The following ABLIM1 variants were observed in gnomAD, a reference collection of about 807,000 sequenced individuals.
The protein encoded by ABLIM1 is actin binding LIM protein 1.
A neutral mutation model predicts 107.0 loss-of-function variants in ABLIM1; 40 were observed. That is an observed-to-expected ratio of 0.37 (90% CI 0.29 to 0.49). The LOEUF is 0.49. Among genes scored for constraint, ABLIM1 ranks in the 20% least tolerant of loss-of-function variants. The pLI is 0.97. For missense variants in ABLIM1, 857 were observed against 1,008.5 expected (o/e 0.85, Z 2.04); for synonymous variants, 357 against 357.3 (o/e 1.00, Z 0.01).
intron 12 of ABLIM1, among the ~76,000 whole-genome samples, chr10:114,461,788 C>T (rs1031148236): frequency 1.3e-5 from 2 of 151,924 alleles, no homozygotes; most frequent in African/African-American, 4.8e-5. Context: ...CATTGTACTC[C>T]AGCCTGGGTG....
rs2060638460 is a variant in ABLIM1 at position 114,444,030 on chromosome 10, T to G, written c.1932A>C (p.Ser644=). ...LASRYDSPIN[S]ASHIPSSKTA... is the part of the protein sequence containing the mutation. Reference sequence around the variant, plus strand: ...GAAGGTTGGGGGTTTGCTGCTTACCTGAGTTGATGGGAGAATCGTAGCGAC... The same window carrying G: ...GAAGGTTGGGGGTTTGCTGCTTACCGGAGTTGATGGGAGAATCGTAGCGAC... The change falls in exon 17 of 23, where the codon TCA becomes TCC. Residue 644 remains serine (S), a splice_region_variant and synonymous_variant. Coordinates refer to ENST00000533213, the MANE Select transcript of ABLIM1 (RefSeq NM_002313.7). 3.7e-6 allele frequency: 6 copies of G among 1,604,106 alleles called. No homozygotes were observed. Among genetic ancestry groups the G allele is most frequent in the Non-Finnish European group, 5.1e-6 (6 of 1,176,968 alleles).
intron 1 of ABLIM1, among the ~76,000 whole-genome samples, chr10:114,744,099 T>A (rs2082337750): frequency 6.6e-6 from 1 of 152,190 alleles, no homozygotes; most frequent in African/African-American, 2.4e-5. Flanking sequence ...GGACCACAGT[T>A]CTGTTGGTGT....
chr10:114,732,869 TA>T (rs1290301230), intron 1 of ABLIM1, among the ~76,000 whole-genome samples: 1 of 152,208 alleles, frequency 6.6e-6, no homozygotes, highest in Non-Finnish European at 1.5e-5. Context: ...CTAAAGAAGA[TA>T]AAACTCAAAA....
At chr10:114,570,678 C>A (rs549197979) in intron 4 of ABLIM1, among the ~76,000 whole-genome samples, 4 of 136,968 alleles carry the variant, frequency 2.9e-5, no homozygotes, top group African/African-American at 5.4e-5. Context: ...TCTCAGCTCA[C>A]TGCAACCTCA....
At chr10:114,492,338 GA>G (rs1404090462) in intron 6 of ABLIM1, among the ~76,000 whole-genome samples, 1 of 152,158 alleles carries the variant, frequency 6.6e-6, no homozygotes, top group Non-Finnish European at 1.5e-5. Context: ...GCATCAAGGT[GA>G]GAAAAGCTAT....
intron 8 of ABLIM1, among the ~76,000 whole-genome samples, chr10:114,475,353 C>T (rs992123344): frequency 6.6e-5 from 10 of 152,108 alleles, no homozygotes; most frequent in African/African-American, 2.4e-4. Flanking sequence ...GAGTTGGTTC[C>T]CCATGTTGTT....
intron 6 of ABLIM1, among the ~76,000 whole-genome samples, chr10:114,501,160 A>ACC (rs929833123): frequency 2.6e-5 from 4 of 151,996 alleles, no homozygotes; most frequent in African/African-American, 9.7e-5. Context: ...CACAAACTTT[A>ACC]CCCCACCTGA....
intron 10 of ABLIM1, among the ~76,000 whole-genome samples, chr10:114,468,896 C>CA (rs1405261719): frequency 3.3e-5 from 5 of 151,722 alleles, no homozygotes; most frequent in East Asian, 2.0e-4. Context: ...CTAAAAACTA[C>CA]AAAAAATTAG....
upstream of ABLIM1, among the ~76,000 whole-genome samples, chr10:114,770,340 CT>C (rs1210409615): frequency 6.6e-6 from 1 of 152,208 alleles, no homozygotes; most frequent in Non-Finnish European, 1.5e-5. Flanking sequence ...TTAGAGTCCA[CT>C]GAAATTTTAA....
At chr10:114,472,847 T>TGCAA in intron 10 of ABLIM1, 130 bp downstream of exon 10, 1 of 928,248 alleles carries the variant, frequency 1.1e-6, no homozygotes. Context: ...GCACCTGGTC[T>TGCAA]AGAAATCTGC....
intron 1 of ABLIM1, among the ~76,000 whole-genome samples, chr10:114,743,025 A>G (rs2082316797): frequency 6.6e-6 from 1 of 152,228 alleles, no homozygotes; most frequent in African/African-American, 2.4e-5. Context: ...ATTGTATCTC[A>G]AAAAATGTTA....
intron 1 of ABLIM1, among the ~76,000 whole-genome samples, chr10:114,717,663 C>T (rs1004971259): frequency 6.6e-6 from 1 of 152,066 alleles, no homozygotes; most frequent in African/African-American, 2.4e-5. Flanking sequence ...GCCTGTAATC[C>T]CAGCACTTTG....
intron 1 of ABLIM1, among the ~76,000 whole-genome samples, chr10:114,714,875 A>T (rs1164908547): frequency 1.3e-5 from 2 of 152,200 alleles, no homozygotes; most frequent in East Asian, 1.9e-4. Flanking sequence ...TTATTTTTTT[A>T]AAAAATCAAC....
At chr10:114,769,401 AGAAAGAAAGAAAGAAAAGAAG>A (rs1186336408), upstream of ABLIM1, among the ~76,000 whole-genome samples, 15 of 132,946 alleles carry the variant, frequency 1.1e-4, no homozygotes, top group African/African-American at 4.5e-4. Flanking sequence ...AAGAAAGAAA[AGAAAGAAAGAAAGAAAAGAAG>A]GAAAGAAAGA....
chr10:114,563,446 C>G (rs553270823), intron 4 of ABLIM1, among the ~76,000 whole-genome samples: 1 of 152,146 alleles, frequency 6.6e-6, no homozygotes, highest in South Asian at 2.1e-4. Context: ...GACGTGGGCA[C>G]GCATGTAAAC....
chr10:114,800,280 G>A, the ABLIM1 span, among the ~76,000 whole-genome samples: 5 of 152,274 alleles, frequency 3.3e-5, no homozygotes, highest in South Asian at 8.3e-4. Flanking sequence ...TCAGGAGACA[G>A]TATTCGACAT....
At chr10:114,474,695 A>C (rs958439751) in intron 8 of ABLIM1, among the ~76,000 whole-genome samples, 2 of 152,120 alleles carry the variant, frequency 1.3e-5, no homozygotes, top group Admixed American at 1.3e-4. Flanking sequence ...ACCTTTCAAG[A>C]ACATAATTTG....
intron 1 of ABLIM1, among the ~76,000 whole-genome samples, chr10:114,712,702 T>C (rs988694474): frequency 1.3e-5 from 2 of 152,232 alleles, no homozygotes; most frequent in Non-Finnish European, 2.9e-5. Flanking sequence ...GTGAAAACTT[T>C]CAGTGGTATA....
intron 4 of ABLIM1, among the ~76,000 whole-genome samples, chr10:114,568,035 A>C (rs2071027293): frequency 6.6e-6 from 1 of 151,056 alleles, no homozygotes; most frequent in Admixed American, 6.6e-5. Context: ...CTAAAAATAC[A>C]AAAAATTAGC....
Sources: gnomAD v4.1 joint callset for allele counts (sites outside exome capture counted in the v4.1 genomes callset) on GRCh38, gnomAD v4.1.1 for gene constraint, MANE v1.5 for transcripts, NCBI Gene and HGNC (gene_info 2026-07-23, HGNC 2026-07-21) for gene names.